Variants in SEM1 observed in about 807,000 individuals in gnomAD.
SEM1 encodes SEM1 26S proteasome subunit.
SEM1 carries 3 observed loss-of-function variants against 12.7 expected under a neutral mutation model. That is an observed-to-expected ratio of 0.24 (90% confidence interval 0.11 to 0.61). SEM1 has a LOEUF of 0.61. SEM1 is among the 20% of genes least tolerant of loss of function. SEM1 has a pLI of 0.88. For synonymous variants in SEM1, 30 were observed against 27.8 expected, an observed-to-expected ratio of 1.08 and a Z score of -0.25; for missense variants, 59 against 81.3, an observed-to-expected ratio of 0.73 and a Z score of 1.06.
intron 2 of SEM1, among the ~76,000 whole-genome samples, chr7:96,644,828 A>G (rs1808732300): frequency 6.6e-6 from 1 of 152,152 alleles, no homozygotes; most frequent in Non-Finnish European, 1.5e-5. Context: ...AAGAAGATCG[A>G]TTAACTTGTG....
chr7:96,645,622 T>A, intron 2 of SEM1: 1 of 395,894 alleles, frequency 2.5e-6, no homozygotes, highest in Non-Finnish European at 4.4e-6. Context: ...GCACAGGGAG[T>A]GGGCACACTC....
chr7:96,697,336 T>G (rs904308373), intron 1 of SEM1: 5 of 151,624 alleles, frequency 3.3e-5, no homozygotes, highest in African/African-American at 1.2e-4. Flanking sequence ...AGCTTTAAAT[T>G]TAAAAAATCT....
chr7:96,647,191 ACTGCATGC>A (rs1292263732), intron 2 of SEM1, among the ~76,000 whole-genome samples: 1 of 152,192 alleles, frequency 6.6e-6, no homozygotes, highest in African/African-American at 2.4e-5. Flanking sequence ...GAGGTATAGC[ACTGCATGC>A]TCTCTTTACG....
intron 2 of SEM1, among the ~76,000 whole-genome samples, chr7:96,548,363 C>T (rs1355016405): frequency 6.6e-6 from 1 of 152,134 alleles, no homozygotes; most frequent in African/African-American, 2.4e-5. Context: ...ATCTTTAGAA[C>T]ATTGCTACTC....
chr7:96,586,801 C>G (rs1397711913), intron 2 of SEM1, among the ~76,000 whole-genome samples: 1 of 152,020 alleles, frequency 6.6e-6, no homozygotes, highest in African/African-American at 2.4e-5. Context: ...TTTATTTTTT[C>G]CCTCTTTTTG....
chr7:96,658,259 A>T (rs1214431168), intron 2 of SEM1, among the ~76,000 whole-genome samples: 1 of 152,088 alleles, frequency 6.6e-6, no homozygotes, highest in Admixed American at 6.5e-5. Context: ...GCTCAGTGCC[A>T]GCCCAGTCCT....
chr7:96,509,031 G>A (rs1360694253), intron 2 of SEM1, among the ~76,000 whole-genome samples: 1 of 148,298 alleles, frequency 6.7e-6, no homozygotes, highest in African/African-American at 2.5e-5. Flanking sequence ...CTGTCACCCA[G>A]GCTGGAGTGC....
rs553913741 is a variant in SEM1 at position 96,544,009 on chromosome 7, T to C, written c.171-37311A>G. Among the ~76,000 whole-genome samples, 6 of 152,098 alleles carry C rather than the reference T, an allele frequency of 3.9e-5. 1 individual carries two copies. Among genetic ancestry groups the C allele is most frequent in the African/African-American group, 1.4e-4 (6 of 41,550 alleles). On this transcript the variant is annotated intron_variant and NMD_transcript_variant, in intron 2 of 3. Coordinates refer to the SEM1 transcript ENST00000466986. ...AGTGTCCCACAAATTATATAGCCAG[T>C]CCTGAGTTTTACAAATTAGTTTAAA...
At chr7:96,652,798 C>T (rs1425391599) in intron 2 of SEM1, among the ~76,000 whole-genome samples, 2 of 152,174 alleles carry the variant, frequency 1.3e-5, no homozygotes, top group Non-Finnish European at 2.9e-5. Context: ...TATCGTTAAT[C>T]ACTCAAGCAT....
intron 2 of SEM1, among the ~76,000 whole-genome samples, chr7:96,548,434 C>A (rs1358319652): frequency 3.3e-5 from 5 of 152,120 alleles, no homozygotes; most frequent in African/African-American, 1.2e-4. Flanking sequence ...AAAACAGAAT[C>A]TATGGCCCCA....
At chr7:96,527,535 A>G (rs1584738781) in intron 2 of SEM1, among the ~76,000 whole-genome samples, 1 of 152,120 alleles carries the variant, frequency 6.6e-6, no homozygotes, top group South Asian at 2.1e-4. Context: ...TTTGCCAGGT[A>G]AAAATAAACT....
chr7:96,655,699 C>T (rs1352175904), intron 2 of SEM1, among the ~76,000 whole-genome samples: 1 of 152,150 alleles, frequency 6.6e-6, no homozygotes, highest in Non-Finnish European at 1.5e-5. Flanking sequence ...TGTCCCCATA[C>T]CCCTTTCATC....
At chr7:96,500,415 T>G (rs896565523), upstream of SEM1, among the ~76,000 whole-genome samples, 1 of 152,102 alleles carries the variant, frequency 6.6e-6, no homozygotes, top group Non-Finnish European at 1.5e-5. Context: ...TAAGGAAATA[T>G]GTCTCACGAA....
chr7:96,681,433 C>G (rs1013442498), intron 2 of SEM1, among the ~76,000 whole-genome samples: 2 of 152,050 alleles, frequency 1.3e-5, no homozygotes, highest in Non-Finnish European at 2.9e-5. Context: ...TAGATAGATT[C>G]TTAATTTATC....
intron 2 of SEM1, among the ~76,000 whole-genome samples, chr7:96,567,496 A>AC (rs1554417006): frequency 6.6e-6 from 1 of 150,444 alleles, no homozygotes; most frequent in Non-Finnish European, 1.5e-5. Flanking sequence ...AAACCTTTGT[A>AC]TTTTTTTTCC....
At chr7:96,649,343 T>C (rs1808894989) in intron 2 of SEM1, 1 of 151,400 alleles carries the variant, frequency 6.6e-6, no homozygotes, top group Non-Finnish European at 1.5e-5. Flanking sequence ...ATATTGATAA[T>C]TTTTCTCCAA....
chr7:96,661,054 A>AT (rs2116518221), intron 2 of SEM1, among the ~76,000 whole-genome samples: 1 of 152,328 alleles, frequency 6.6e-6, no homozygotes, highest in Non-Finnish European at 1.5e-5. Context: ...TTTCATATAT[A>AT]TTAATTTACT....
chr7:96,672,172 A>C (rs889818290), downstream of SEM1, among the ~76,000 whole-genome samples: 2 of 152,182 alleles, frequency 1.3e-5, no homozygotes, highest in Admixed American at 6.5e-5. Context: ...ACTTCTGTGT[A>C]GTACTTTGCA....
intron 2 of SEM1, among the ~76,000 whole-genome samples, chr7:96,548,049 A>G (rs571867980): frequency 7.2e-5 from 11 of 152,316 alleles, no homozygotes; most frequent in African/African-American, 2.4e-4. Context: ...GTTCACTTTC[A>G]AACATGAGGT....
Sources: allele counts gnomAD v4.1 joint callset (sites outside exome capture counted in the v4.1 genomes callset), GRCh38; gene constraint gnomAD v4.1.1; transcripts MANE v1.5; gene names NCBI Gene and HGNC (gene_info 2026-07-23, HGNC 2026-07-21).